ADAMTS17: variants seen among roughly 807,000 people sequenced by gnomAD.
ADAMTS17 encodes ADAM metallopeptidase with thrombospondin type 1 motif 17, also known as A disintegrin and metalloproteinase with thrombospondin motifs 17.
A neutral mutation model predicts 141.5 loss-of-function variants in ADAMTS17; 113 were observed. The ratio of observed to expected loss-of-function variants is 0.80; its 90% CI spans 0.69 to 0.93. The LOEUF (loss-of-function observed/expected upper bound fraction) is 0.93, where lower values mean the gene tolerates loss of function less well. Among genes scored for constraint, ADAMTS17 ranks in the 40% least tolerant of loss-of-function variants. The pLI is 0.00. For missense variants in ADAMTS17, 1,659 were observed against 1,517.9 expected (o/e 1.09, Z -1.54); for synonymous variants, 768 against 630.6 (o/e 1.22, Z -3.27).
chr15:100,060,308 T>G (rs1156274366), intron 15 of ADAMTS17, among the ~76,000 whole-genome samples: 3 of 152,240 alleles, frequency 2.0e-5, no homozygotes, highest in Non-Finnish European at 4.4e-5. Context: ...TGGGTACACT[T>G]TCCTTTGCCA....
At chr15:100,316,420 T>C (rs1222488550) in intron 3 of ADAMTS17, among the ~76,000 whole-genome samples, 1 of 152,214 alleles carries the variant, frequency 6.6e-6, no homozygotes, top group Non-Finnish European at 1.5e-5. Context: ...GTGGGTCACG[T>C]CTGGGGAGCC....
At chr15:100,018,816 C>T (rs1165305755) in intron 18 of ADAMTS17, among the ~76,000 whole-genome samples, 1 of 152,198 alleles carries the variant, frequency 6.6e-6, no homozygotes, top group East Asian at 1.9e-4. Context: ...TGCCCTTTCA[C>T]ATCTATCAGA....
chr15:99,994,119 G>A lies in ADAMTS17; in HGVS notation c.2797-919C>T, dbSNP rs184042340. On this transcript the variant is annotated intron_variant, in intron 19 of 21. Transcript: ENST00000268070. ...AGCAAAGCAGAAGGAAGCCCAGGCC[G>A]AGCTGACCCACAGCCTCGGGAAGAC... is the stretch of plus-strand genomic sequence containing the variant. 5.3e-5 allele frequency among the ~76,000 whole-genome samples: 8 copies of A among 152,218 alleles called. No homozygotes were observed. In the East Asian group the frequency reaches 1.4e-3, roughly 26 times the overall value.
intron 8 of ADAMTS17, among the ~76,000 whole-genome samples, chr15:100,169,242 CAGGTATGACGCTA>C (rs372419438): frequency 8.9e-4 from 136 of 152,296 alleles, no homozygotes; most frequent in African/African-American, 3.1e-3. Flanking sequence ...CAACACATGC[CAGGTATGACGCTA>C]AGCACTTGTG....
intron 15 of ADAMTS17, among the ~76,000 whole-genome samples, chr15:100,094,304 T>A (rs1596404362): frequency 6.6e-6 from 1 of 152,208 alleles, no homozygotes; most frequent in East Asian, 1.9e-4. Flanking sequence ...CATCCTTCCA[T>A]GGGGGACTCA....
rs73474447 is a variant in ADAMTS17, at chr15:100,063,891, A to G, written c.2138-9837T>C. On this transcript the variant is annotated intron_variant, in intron 15 of 21. Transcript: ENST00000268070. Reference sequence around the variant, plus strand: ...CAGAAATGGAGGGCTGGCGCAGAAGAAGGAGGCTCTCCTAAGGCCAGGACC... The same window carrying G: ...CAGAAATGGAGGGCTGGCGCAGAAGGAGGAGGCTCTCCTAAGGCCAGGACC... 5,104 of 529,194 alleles carry G rather than the reference A, an allele frequency of 9.6e-3. 232 individuals are homozygous for G. Among genetic ancestry groups the G allele is most frequent in the African/African-American group, 0.092 (4,662 of 50,674 alleles). 32.8% of individuals were successfully genotyped at this position (529,194 alleles called of 1,614,324 possible).
chr15:100,222,864 AG>A (rs149215880), intron 7 of ADAMTS17, among the ~76,000 whole-genome samples: 2,187 of 152,328 alleles, frequency 0.014, 23 homozygotes, highest in Middle Eastern at 0.037. Context: ...AGGAAGCCTA[AG>A]GGGGAGGCAG....
At chr15:100,263,635 T>C (rs1402753393) in intron 4 of ADAMTS17, among the ~76,000 whole-genome samples, 1 of 152,208 alleles carries the variant, frequency 6.6e-6, no homozygotes, top group Non-Finnish European at 1.5e-5. Context: ...TCATTATGAC[T>C]CTGCCGAGTT....
chr15:100,084,208 C>T (rs2034939542), intron 15 of ADAMTS17, among the ~76,000 whole-genome samples: 1 of 152,210 alleles, frequency 6.6e-6, no homozygotes, highest in African/African-American at 2.4e-5. Flanking sequence ...CCGCGCATGG[C>T]TGGGAGGGTC....
At chr15:100,118,504 T>C (rs2037280757) in intron 12 of ADAMTS17, among the ~76,000 whole-genome samples, 1 of 152,174 alleles carries the variant, frequency 6.6e-6, no homozygotes. Flanking sequence ...AGTTAGGCAA[T>C]GGCTAACCCT....
At chr15:100,103,801 C>G (rs1388071088) in intron 14 of ADAMTS17, among the ~76,000 whole-genome samples, 1 of 152,248 alleles carries the variant, frequency 6.6e-6, no homozygotes, top group East Asian at 1.9e-4. Flanking sequence ...GTCTCGAACT[C>G]CTGACCTTAG....
chr15:100,107,310 C>T (rs898423144), intron 14 of ADAMTS17, among the ~76,000 whole-genome samples: 8 of 152,082 alleles, frequency 5.3e-5, no homozygotes, highest in South Asian at 4.2e-4. Context: ...GTGGACCTGA[C>T]GCCTGGAAGC....
intron 13 of ADAMTS17, among the ~76,000 whole-genome samples, chr15:100,114,291 T>C (rs775486037): frequency 6.6e-6 from 1 of 152,048 alleles, no homozygotes. Flanking sequence ...GCAGTCATAA[T>C]GGGCTTCAGA....
Position 99,992,559 on chromosome 15 carries a change from C to T in ADAMTS17, c.2949+489G>A, listed in dbSNP as rs141260952. ...GTGGCCCTTTATTCACCCTTGCTCTCGGGAGTGCTGACCCGGCGGTTCTGT... is the reference window on the plus strand; with the variant it reads ...GTGGCCCTTTATTCACCCTTGCTCTTGGGAGTGCTGACCCGGCGGTTCTGT... On this transcript the variant is annotated intron_variant, in intron 20 of 21. Coordinates refer to ENST00000268070, the MANE Select transcript of ADAMTS17 (RefSeq NM_139057.4). 8.3e-4 allele frequency among the ~76,000 whole-genome samples: 127 copies of T among 152,312 alleles called. No homozygotes were observed. The East Asian group carries it at 0.014, about 17-fold the overall frequency.
chr15:100,293,112 T>C (rs1272087575), intron 3 of ADAMTS17, among the ~76,000 whole-genome samples: 1 of 152,194 alleles, frequency 6.6e-6, no homozygotes, highest in Non-Finnish European at 1.5e-5. Flanking sequence ...GTGTTCAATC[T>C]GTGTGTTCCA....
At chr15:100,059,458 G>A (rs2032940180) in intron 15 of ADAMTS17, among the ~76,000 whole-genome samples, 1 of 152,102 alleles carries the variant, frequency 6.6e-6, no homozygotes. Context: ...GAGGCATAGG[G>A]GTTACTTCCA....
intron 18 of ADAMTS17, among the ~76,000 whole-genome samples, chr15:100,042,672 T>C (rs2031353307): frequency 6.6e-6 from 1 of 152,198 alleles, no homozygotes; most frequent in Non-Finnish European, 1.5e-5. Context: ...ACAGTTGATC[T>C]AACTGAGATG....
intron 20 of ADAMTS17, among the ~76,000 whole-genome samples, chr15:99,986,265 T>C (rs1290501546): frequency 2.0e-5 from 3 of 152,246 alleles, no homozygotes; most frequent in Non-Finnish European, 4.4e-5. Context: ...GTTCGTTCAT[T>C]GTTAAGGTCA....
At chr15:100,011,591 G>C (rs1421570643) in intron 18 of ADAMTS17, among the ~76,000 whole-genome samples, 1 of 152,056 alleles carries the variant, frequency 6.6e-6, no homozygotes, top group African/African-American at 2.4e-5. Flanking sequence ...CTTCCTATGT[G>C]CCAGGCAATG....
Sources: allele counts gnomAD v4.1 joint callset (sites outside exome capture counted in the v4.1 genomes callset), GRCh38; gene constraint gnomAD v4.1.1; transcripts MANE v1.5; gene names NCBI Gene and HGNC (gene_info 2026-07-23, HGNC 2026-07-21).